RGS6: variants seen among roughly 807,000 people sequenced by gnomAD.
The protein encoded by RGS6 is regulator of G-protein signaling 6.
A neutral mutation model predicts 78.5 loss-of-function variants in RGS6; 30 were observed. That is an observed-to-expected ratio of 0.38 (90% CI 0.29 to 0.52). The LOEUF is 0.52. Among genes scored for constraint, RGS6 ranks in the 20% least tolerant of loss-of-function variants. The pLI is 0.85. For synonymous variants in RGS6, 206 were observed against 206.0 expected (o/e 1.00, Z 0.00); for missense variants, 495 against 609.7 (o/e 0.81, Z 1.98).
intron 2 of RGS6, among the ~76,000 whole-genome samples, chr14:72,231,756 G>T (rs1036272666): frequency 1.3e-5 from 2 of 152,166 alleles, no homozygotes; most frequent in African/African-American, 2.4e-5. Flanking sequence ...GAATATATAG[G>T]GAAGAGCGTG....
chr14:72,391,637 C>A (rs1052672123), intron 3 of RGS6, among the ~76,000 whole-genome samples: 2 of 152,216 alleles, frequency 1.3e-5, no homozygotes, highest in Non-Finnish European at 2.9e-5. Context: ...CTAGGGTACA[C>A]ATGCACAACG....
chr14:71,966,819 A>G (rs1195517562), intron 2 of RGS6, among the ~76,000 whole-genome samples: 1 of 152,158 alleles, frequency 6.6e-6, no homozygotes, highest in Non-Finnish European at 1.5e-5. Context: ...TAAAATCTCT[A>G]AATGTTGGTG....
chr14:72,567,169 T>A (rs1396687263), downstream of RGS6, among the ~76,000 whole-genome samples: 1 of 152,208 alleles, frequency 6.6e-6, no homozygotes, highest in Non-Finnish European at 1.5e-5. Flanking sequence ...TTCAGAGGCA[T>A]GAAAATGGGA....
At chr14:72,614,610 T>C in the RGS6 span, among the ~76,000 whole-genome samples, 1 of 151,992 alleles carries the variant, frequency 6.6e-6, no homozygotes, top group African/African-American at 2.4e-5. Context: ...TCTCCCCAGC[T>C]GGGTGAGGGG....
At position 71,984,319 on chromosome 14, in the gene RGS6, A is replaced by AC. The variant is rs1566960789; in HGVS notation, c.84+19444_84+19445insC. Among the ~76,000 whole-genome samples the AC allele has an allele frequency of 2.9e-5, 3 of 103,972 alleles. No individual in the cohort carries two copies. In the South Asian group the frequency reaches 1.1e-3, roughly 36 times the overall value. 68.2% of individuals were successfully genotyped at this position (103,972 alleles called of 152,430 possible). On this transcript the variant is annotated intron_variant, in intron 2 of 17. Transcript: ENST00000553525. ...ATGTTAAAAAAAAAAAAAAAAAAAA[A>AC]AAACAAAGCTGTTAGAAATTAACCA... is the stretch of plus-strand genomic sequence containing the variant.
intron 13 of RGS6, 72 bp from the exon 14 acceptor site, chr14:72,510,082 C>T (rs2096859976): frequency 1.3e-6 from 2 of 1,485,354 alleles, no homozygotes; most frequent in Non-Finnish European, 1.8e-6. Context: ...AGACTTGAGT[C>T]ACTGAAGAGA....
chr14:72,617,757 G>A, the RGS6 span, among the ~76,000 whole-genome samples: 1 of 152,170 alleles, frequency 6.6e-6, no homozygotes, highest in African/African-American at 2.4e-5. Flanking sequence ...GGGCAGAGGT[G>A]GCCCAACTAG....
At chr14:72,574,256 G>A in the RGS6 span, among the ~76,000 whole-genome samples, 4 of 152,184 alleles carry the variant, frequency 2.6e-5, no homozygotes, top group African/African-American at 9.7e-5. Flanking sequence ...CTCTCCCAGG[G>A]TGCCAGCTGG....
chr14:72,010,782 T>C (rs187202001), intron 2 of RGS6, among the ~76,000 whole-genome samples: 31 of 152,366 alleles, frequency 2.0e-4, no homozygotes, highest in African/African-American at 7.2e-4. Context: ...CTCTCTGCTT[T>C]AATCCTTACA....
At chr14:72,260,048 AT>A (rs1460589833) in intron 2 of RGS6, among the ~76,000 whole-genome samples, 1 of 152,130 alleles carries the variant, frequency 6.6e-6, no homozygotes, top group Admixed American at 6.5e-5. Context: ...TCAAATAAAA[AT>A]TTCAGAATAT....
At chr14:72,454,606 C>T in intron 4 of RGS6, 28 bp downstream of exon 4, 2 of 1,604,322 alleles carry the variant, frequency 1.2e-6, no homozygotes, top group South Asian at 1.1e-5. Context: ...CCACCCTTAT[C>T]TCCCCTGGTA....
At chr14:72,609,854 G>T in the RGS6 span, among the ~76,000 whole-genome samples, 2 of 152,200 alleles carry the variant, frequency 1.3e-5, no homozygotes, top group African/African-American at 4.8e-5. Flanking sequence ...CCTCATGAAA[G>T]CTGTGTCAGA....
chr14:72,278,630 TAGAA>T (rs1203077734), intron 2 of RGS6, among the ~76,000 whole-genome samples: 1 of 152,192 alleles, frequency 6.6e-6, no homozygotes, highest in Non-Finnish European at 1.5e-5. Context: ...TTTATATACT[TAGAA>T]ATAAATACGG....
At chr14:72,392,883 CTG>C (rs970075928) in intron 3 of RGS6, among the ~76,000 whole-genome samples, 3 of 152,174 alleles carry the variant, frequency 2.0e-5, no homozygotes, top group Non-Finnish European at 4.4e-5. Flanking sequence ...CCGGGAAAAA[CTG>C]AGATTTCCAG....
intron 3 of RGS6, among the ~76,000 whole-genome samples, chr14:72,451,396 C>T (rs1204618579): frequency 1.3e-5 from 2 of 152,172 alleles, no homozygotes; most frequent in Non-Finnish European, 2.9e-5. Flanking sequence ...ATGCAAACCA[C>T]GGCCTGGTGG....
At chr14:72,116,319 C>G (rs1328465033) in intron 2 of RGS6, among the ~76,000 whole-genome samples, 1 of 152,080 alleles carries the variant, frequency 6.6e-6, no homozygotes, top group African/African-American at 2.4e-5. Context: ...TCTAGAGGTG[C>G]AGGGGATACA....
intron 2 of RGS6, among the ~76,000 whole-genome samples, chr14:72,023,062 A>T (rs951745126): frequency 6.6e-6 from 1 of 152,180 alleles, no homozygotes; most frequent in Non-Finnish European, 1.5e-5. Context: ...TGCCTGTTTC[A>T]TGTCATTCCT....
intron 3 of RGS6, among the ~76,000 whole-genome samples, chr14:72,358,784 G>A (rs1404608058): frequency 6.6e-6 from 1 of 152,150 alleles, no homozygotes; most frequent in Admixed American, 6.5e-5. Flanking sequence ...TAAGATTTTG[G>A]GGGACTGTTG....
At chr14:71,909,010 T>C in the RGS6 span, among the ~76,000 whole-genome samples, 18 of 152,306 alleles carry the variant, frequency 1.2e-4, no homozygotes, top group East Asian at 3.1e-3. Flanking sequence ...CTCACTTTAC[T>C]TAAGTAAAGT....
Sources: allele counts gnomAD v4.1 joint callset (sites outside exome capture counted in the v4.1 genomes callset), GRCh38; gene constraint gnomAD v4.1.1; transcripts MANE v1.5; gene names NCBI Gene and HGNC (gene_info 2026-07-23, HGNC 2026-07-21).